Variants in ZSWIM5 observed in about 807,000 individuals in gnomAD.
The protein encoded by ZSWIM5 is zinc finger SWIM domain-containing protein 5.
Under a neutral mutation model 119.6 loss-of-function variants are expected in ZSWIM5, and 55 were observed. That is an observed-to-expected ratio of 0.46 (90% CI 0.37 to 0.58). The LOEUF (loss-of-function observed/expected upper bound fraction) is 0.58, where lower values mean the gene tolerates loss of function less well. ZSWIM5 is among the 20% of genes least tolerant of loss of function. ZSWIM5 has a pLI of 0.00. For synonymous variants in ZSWIM5, 537 were observed against 606.9 expected (o/e 0.88, Z 1.69); for missense variants, 1,193 against 1,512.8 (o/e 0.79, Z 3.51).
chr1:45,129,315 C>A (rs1645640880), intron 1 of ZSWIM5, among the ~76,000 whole-genome samples: 1 of 151,838 alleles, frequency 6.6e-6, no homozygotes, highest in South Asian at 2.1e-4. Context: ...CCCGCCACCA[C>A]CCCTGGCTAA....
chr1:45,140,901 A>T (rs1276821387), intron 1 of ZSWIM5, among the ~76,000 whole-genome samples: 3 of 152,172 alleles, frequency 2.0e-5, no homozygotes, highest in Admixed American at 6.5e-5. Flanking sequence ...CAGTGAGTTT[A>T]TCCTTTTTTT....
chr1:45,139,474 C>CTTTT (rs551063549), intron 1 of ZSWIM5, among the ~76,000 whole-genome samples: 4 of 116,520 alleles, frequency 3.4e-5, no homozygotes, highest in African/African-American at 6.5e-5. Context: ...CTCTCTCTCT[C>CTTTT]TTTTTTTTTT....
rs1219044077 is a variant in ZSWIM5 at position 45,040,468 on chromosome 1, T to C, written c.1680A>G (p.Arg560=). The part of the protein sequence containing the change: ...RSHGYPKEAL[R]LTVAIINTLR... ...GAGTATTAATAATGGCCACTGTGAGTCTGAGGGCCTCTTTTGGATAACCAT... is the reference window on the plus strand; with the variant it reads ...GAGTATTAATAATGGCCACTGTGAGCCTGAGGGCCTCTTTTGGATAACCAT... The change falls in exon 7 of 14, where the codon AGA becomes AGG. Residue 560 remains arginine, a synonymous_variant. Transcript: ENST00000359600. 1 of 1,612,140 alleles carries C rather than the reference T, an allele frequency of 6.2e-7. No homozygotes were observed. The highest frequency in any genetic ancestry group is 1.7e-5 in the Admixed American group (1 of 59,786).
At chr1:45,146,783 C>A (rs1395377378) in intron 1 of ZSWIM5, among the ~76,000 whole-genome samples, 1 of 152,040 alleles carries the variant, frequency 6.6e-6, no homozygotes, top group Admixed American at 6.6e-5. Context: ...GCTCCATTGG[C>A]CAGCTCTATA....
At chr1:45,036,756 A>C (rs543401387) in intron 8 of ZSWIM5, among the ~76,000 whole-genome samples, 1 of 152,084 alleles carries the variant, frequency 6.6e-6, no homozygotes, top group Admixed American at 6.6e-5. Flanking sequence ...AAATATACTG[A>C]AAAAAAGGTT....
In ZSWIM5 at chr1:45,176,512, G is replaced by A. The variant is rs536617073; in HGVS notation, c.595+29244C>T. On this transcript the variant is annotated intron_variant, in intron 1 of 13. Transcript: ENST00000359600. ...ACTCATGACCTCAGGTGATCCACCC[G>A]CCTTGGCCTCCCAAAGTGTTGGGAT... 2.0e-4 allele frequency among the ~76,000 whole-genome samples: 30 copies of A among 152,174 alleles called. 1 individual carries two copies. The South Asian group carries it at 3.5e-3, about 18-fold the overall frequency.
At chr1:45,044,062 T>C (rs1645032445) in intron 5 of ZSWIM5, among the ~76,000 whole-genome samples, 4 of 151,880 alleles carry the variant, frequency 2.6e-5, no homozygotes, top group Admixed American at 2.0e-4. Context: ...TGGTGGCACA[T>C]GCCTGTAGTC....
intron 1 of ZSWIM5, among the ~76,000 whole-genome samples, chr1:45,146,694 C>A (rs1393736092): frequency 1.4e-5 from 2 of 144,376 alleles, no homozygotes; most frequent in African/African-American, 5.5e-5. Context: ...CCCGCCTCAG[C>A]CTTCCAAAGT....
In ZSWIM5 at chr1:45,088,047, G is replaced by C. The variant is rs893250387; in HGVS notation, c.786C>G (p.Val262=). The change falls in exon 2 of 14, where the codon GTC becomes GTG. Residue 262 remains valine, a synonymous_variant. Coordinates refer to ENST00000359600, the MANE Select transcript of ZSWIM5 (RefSeq NM_020883.2). The surrounding 1 kb of genome is among the most constrained non-coding windows in gnomAD (Gnocchi z 4.2). ...SLYRIRKPDQ[V]KLRLPISETL... ...TTTCGGAGATAGGAAGACGCAATTT[G>C]ACTTGGTCTGGTTTACGGATCCTGT... 8 of 1,614,040 alleles carry C rather than the reference G, an allele frequency of 5.0e-6. No homozygotes were observed. Among genetic ancestry groups the C allele is most frequent in the Middle Eastern group, 1.6e-4 (1 of 6,084 alleles).
At chr1:45,089,300 G>A (rs1018994177) in intron 1 of ZSWIM5, among the ~76,000 whole-genome samples, 1 of 152,078 alleles carries the variant, frequency 6.6e-6, no homozygotes, top group Non-Finnish European at 1.5e-5. Context: ...CTTTAAATAT[G>A]ATTCTTCTTC....
chr1:45,163,668 T>A (rs539666678), intron 1 of ZSWIM5, among the ~76,000 whole-genome samples: 1 of 152,260 alleles, frequency 6.6e-6, no homozygotes, highest in Admixed American at 6.5e-5. Context: ...ACGAGAACTA[T>A]GTGACGCATG....
intron 1 of ZSWIM5, among the ~76,000 whole-genome samples, chr1:45,101,656 G>A (rs1645440342): frequency 6.6e-6 from 1 of 152,160 alleles, no homozygotes; most frequent in Non-Finnish European, 1.5e-5. Context: ...ATCCATCAGT[G>A]ATAGACTGGA....
chr1:45,115,650 A>C (rs952885403), intron 1 of ZSWIM5, among the ~76,000 whole-genome samples: 1 of 142,384 alleles, frequency 7.0e-6, no homozygotes, highest in Non-Finnish European at 1.5e-5. Flanking sequence ...CTCACTTCCC[A>C]GGCTGGTCGG....
chr1:45,081,439 T>A (rs1645289788), intron 2 of ZSWIM5, among the ~76,000 whole-genome samples: 1 of 152,214 alleles, frequency 6.6e-6, no homozygotes, highest in Admixed American at 6.5e-5. Context: ...GCCTGCGGAG[T>A]GCCTGCAATT....
At chr1:45,032,798 T>G (rs1245078279) in intron 11 of ZSWIM5, among the ~76,000 whole-genome samples, 13 of 152,026 alleles carry the variant, frequency 8.6e-5, no homozygotes, top group Admixed American at 8.5e-4. Flanking sequence ...GATAATTTTT[T>G]TTTTTTTTAA....
intron 11 of ZSWIM5, among the ~76,000 whole-genome samples, chr1:45,027,476 C>A (rs1263361014): frequency 6.6e-6 from 1 of 152,154 alleles, no homozygotes; most frequent in Non-Finnish European, 1.5e-5. Context: ...CAGCTCACTG[C>A]AACCTCTGCC....
At chr1:45,094,212 C>T (rs1173331939) in intron 1 of ZSWIM5, among the ~76,000 whole-genome samples, 2 of 151,610 alleles carry the variant, frequency 1.3e-5, no homozygotes, top group African/African-American at 2.4e-5. Flanking sequence ...CGCGCCACCA[C>T]GCCCAGCTAA....
At chr1:45,170,273 A>G (rs1645938524) in intron 1 of ZSWIM5, among the ~76,000 whole-genome samples, 1 of 152,162 alleles carries the variant, frequency 6.6e-6, no homozygotes, top group South Asian at 2.1e-4. Flanking sequence ...AATCCTCAAC[A>G]GTAATGAGAT....
At chr1:45,196,692 A>G (rs955271355) in intron 1 of ZSWIM5, among the ~76,000 whole-genome samples, 8 of 152,176 alleles carry the variant, frequency 5.3e-5, no homozygotes, top group Non-Finnish European at 8.8e-5. Context: ...GCCCGGCTGA[A>G]GCCCACAATT....
Sources: gnomAD v4.1 joint callset for allele counts (sites outside exome capture counted in the v4.1 genomes callset) on GRCh38, gnomAD v4.1.1 for gene constraint, Gnocchi (gnomAD v3.1) non-coding constraint, MANE v1.5 for transcripts, NCBI Gene and HGNC (gene_info 2026-07-23, HGNC 2026-07-21) for gene names.